Variants in PRDM11 observed in about 807,000 individuals in gnomAD.
PRDM11 encodes PR/SET domain 11, also known as PR domain-containing protein 11.
PRDM11 carries 20 observed loss-of-function variants against 97.8 expected under a neutral mutation model. That is an observed-to-expected ratio of 0.20 (90% CI 0.14 to 0.30). The LOEUF is 0.30. PRDM11 is among the 10% of genes least tolerant of loss of function. The pLI, the probability that PRDM11 is intolerant of heterozygous loss-of-function variation, is 1.00. For synonymous variants in PRDM11, 599 were observed against 637.7 expected, an observed-to-expected ratio of 0.94 and a Z score of 0.91; for missense variants, 1,139 against 1,555.2, an observed-to-expected ratio of 0.73 and a Z score of 4.50.
intron 1 of PRDM11, among the ~76,000 whole-genome samples, chr11:45,170,114 G>T (rs560629473): frequency 6.6e-6 from 1 of 152,116 alleles, no homozygotes; most frequent in South Asian, 2.1e-4. Flanking sequence ...AGGCTGAGGC[G>T]GGCAAATCAC....
At chr11:45,201,825 T>C (rs1359297615) in intron 4 of PRDM11, among the ~76,000 whole-genome samples, 1 of 151,708 alleles carries the variant, frequency 6.6e-6, no homozygotes, top group African/African-American at 2.4e-5. Flanking sequence ...CAAAAAAAAT[T>C]AGTCAGGCAT....
intron 1 of PRDM11, among the ~76,000 whole-genome samples, chr11:45,133,176 T>A (rs1852757547): frequency 6.6e-6 from 1 of 152,224 alleles, no homozygotes; most frequent in Non-Finnish European, 1.5e-5. Flanking sequence ...CTCAAAAAGA[T>A]AATCTGTGCT....
At chr11:45,198,986 G>A (rs1853229822) in intron 4 of PRDM11, among the ~76,000 whole-genome samples, 2 of 151,844 alleles carry the variant, frequency 1.3e-5, no homozygotes, top group Non-Finnish European at 2.9e-5. Context: ...CATAGTAGCT[G>A]TGAGAATTAA....
exon 1 of PRDM11, chr11:45,095,885 T>C (rs773068500): frequency 2.6e-6 from 2 of 780,908 alleles, no homozygotes; most frequent in African/African-American, 3.4e-5. Context: ...CCTCTCTTCC[T>C]TTACCAGAGA....
At chr11:45,095,438 G>A (rs1851875968), upstream of PRDM11, among the ~76,000 whole-genome samples, 1 of 152,220 alleles carries the variant, frequency 6.6e-6, no homozygotes, top group African/African-American at 2.4e-5. Context: ...GGAAAGGGCA[G>A]TAGAGACAGT....
At position 45,180,950 on chromosome 11, in the gene PRDM11, C is replaced by T. The variant is rs1043647750; in HGVS notation, c.-6-811C>T. Among the ~76,000 whole-genome samples, 4 of 152,226 alleles carry T rather than the reference C, an allele frequency of 2.6e-5. No homozygotes were observed. The East Asian group carries it at 5.8e-4, about 22-fold the overall frequency. ...GTCGCCGCCGCCGGCTTTGGGGCCC[C>T]GGTGGGGAGCAGGGGGCTGATTAGC... is the stretch of plus-strand genomic sequence containing the variant. On this transcript the variant is annotated intron_variant, in intron 1 of 7. Transcript: ENST00000683152.
At chr11:45,218,397 G>T (rs565492533) in intron 5 of PRDM11, among the ~76,000 whole-genome samples, 2 of 152,086 alleles carry the variant, frequency 1.3e-5, no homozygotes, top group African/African-American at 4.8e-5. Context: ...AATGTACTAC[G>T]CTGTGTTTCT....
intron 1 of PRDM11, among the ~76,000 whole-genome samples, chr11:45,163,130 G>A (rs1485458198): frequency 6.6e-6 from 1 of 152,154 alleles, no homozygotes; most frequent in Admixed American, 6.6e-5. Context: ...GGGGAACAGA[G>A]GCAAATTCCC....
chr11:45,146,761 A>G lies in PRDM11; in HGVS notation c.-123A>G, dbSNP rs1393821272. On this transcript the variant is annotated 5_prime_UTR_variant, in exon 1 of 8. Transcript: ENST00000683152. ...CCTCGCCGGGGACCAGCGCGCCCGC[A>G]GCGCGGCCGCTCCCTCCGCGGGGGC... is the stretch of plus-strand genomic sequence containing the variant. The G allele has an allele frequency of 2.1e-5, 3 of 146,196 alleles. No individual in the cohort carries two copies. The highest frequency in any genetic ancestry group is 6.8e-5 in the Admixed American group (1 of 14,776). 9.1% of individuals were successfully genotyped at this position (146,196 alleles called of 1,614,324 possible).
chr11:45,209,172 C>T (rs937466534), intron 5 of PRDM11: 14 of 453,090 alleles, frequency 3.1e-5, no homozygotes, highest in East Asian at 2.1e-4. Context: ...GGCCGGGGGC[C>T]GGGCCCCCAC....
At chr11:45,144,361 G>C (rs113891089), upstream of PRDM11, among the ~76,000 whole-genome samples, 28 of 152,244 alleles carry the variant, frequency 1.8e-4, no homozygotes, top group East Asian at 4.5e-3. Context: ...CGCCTGAAGC[G>C]CTGACTCCCC....
rs947459347 is a variant in PRDM11 at position 45,234,406 on chromosome 11, G to A, written c.*6247G>A. 5 of 152,808 alleles carry A rather than the reference G, an allele frequency of 3.3e-5. No homozygotes were observed. The highest frequency in any genetic ancestry group is 3.3e-4 in the Admixed American group (5 of 15,282). 9.5% of individuals were successfully genotyped at this position (152,808 alleles called of 1,614,324 possible). ...CCTACAAGTACCTCAGTCTCCAGCA[G>A]GCCCACCCCTCCACCTGCAGCCCAG... On this transcript the variant is annotated 3_prime_UTR_variant, in exon 8 of 8. Transcript: ENST00000683152.
chr11:45,100,731 G>T (rs1251565524), intron 1 of PRDM11, among the ~76,000 whole-genome samples: 1 of 152,214 alleles, frequency 6.6e-6, no homozygotes, highest in Non-Finnish European at 1.5e-5. Context: ...TTCTCACTGG[G>T]ACTGAGCTCA....
intron 1 of PRDM11, among the ~76,000 whole-genome samples, chr11:45,129,449 G>A (rs1031539414): frequency 5.9e-5 from 9 of 152,094 alleles, no homozygotes; most frequent in Non-Finnish European, 4.4e-5. Flanking sequence ...TGGAAAGGTC[G>A]TTTAAACAAG....
At chr11:45,103,621 C>A (rs1269049193) in intron 1 of PRDM11, among the ~76,000 whole-genome samples, 1 of 151,612 alleles carries the variant, frequency 6.6e-6, no homozygotes, top group Non-Finnish European at 1.5e-5. Context: ...TTGAGGGTGT[C>A]AGAAATACTT....
At chr11:45,207,369 A>G (rs1853552856) in intron 5 of PRDM11, among the ~76,000 whole-genome samples, 1 of 152,174 alleles carries the variant, frequency 6.6e-6, no homozygotes, top group African/African-American at 2.4e-5. Context: ...TATCTTTATG[A>G]CAGCCCCATC....
intron 1 of PRDM11, among the ~76,000 whole-genome samples, chr11:45,175,099 T>A (rs1246982847): frequency 6.6e-6 from 1 of 152,196 alleles, no homozygotes; most frequent in Non-Finnish European, 1.5e-5. Flanking sequence ...CACACCAAAG[T>A]GGAACATTTG....
Position 45,096,003 on chromosome 11 carries a change from T to C in PRDM11, c.96+102T>C. On this transcript the variant is annotated intron_variant, in intron 1 of 6. Coordinates refer to the PRDM11 transcript ENST00000530656. Reference sequence around the variant, plus strand: ...TCCTCCAGATCTTTATTCAGGCCCCTGCTTGTTGTCATCTTCTCATTAAAG... The same window carrying C: ...TCCTCCAGATCTTTATTCAGGCCCCCGCTTGTTGTCATCTTCTCATTAAAG... 5.6e-6 allele frequency: 4 copies of C among 709,868 alleles called. No homozygotes were observed. The South Asian group carries it at 6.0e-5, about 11-fold the overall frequency. 44.0% of individuals were successfully genotyped at this position (709,868 alleles called of 1,614,324 possible).
In PRDM11 at chr11:45,227,632, A is replaced by T. The variant is rs995226572; in HGVS notation, c.3007A>T (p.Ser1003Cys). 6.5e-7 allele frequency: 1 copy of T among 1,533,774 alleles called. No individual in the cohort carries two copies. The highest frequency in any genetic ancestry group is 1.4e-5 in the African/African-American group (1 of 72,948). Residue 1003 changes from serine to cysteine, a missense_variant, in exon 8 of 8, where the codon AGC becomes TGC. Coordinates refer to ENST00000683152, the MANE Select transcript of PRDM11 (RefSeq NM_001384648.1). The surrounding 1 kb of genome is among the most constrained non-coding windows in gnomAD (Gnocchi z 8.0). ...GCCCAGGAGCAGTGAGGAGCTGATG[A>T]GCTATGGCAAGGAGGATATGGTGCA... ...AWPRSSEELM[S>C]YGKEDMVQIF...
Sources: allele counts gnomAD v4.1 joint callset (sites outside exome capture counted in the v4.1 genomes callset), GRCh38; gene constraint gnomAD v4.1.1; non-coding constraint Gnocchi (gnomAD v3.1); transcripts MANE v1.5; gene names NCBI Gene and HGNC (gene_info 2026-07-23, HGNC 2026-07-21).